PACRG: variants seen among roughly 807,000 people sequenced by gnomAD.
The protein encoded by PACRG is parkin coregulated, also known as parkin coregulated gene protein.
A neutral mutation model predicts 29.7 loss-of-function variants in PACRG; 29 were observed. That is an observed-to-expected ratio of 0.98 (90% CI 0.73 to 1.33). The LOEUF (loss-of-function observed/expected upper bound fraction) is 1.33. PACRG is among the 40% of genes most tolerant of loss of function. PACRG has a pLI of 0.00. For synonymous variants in PACRG, 116 were observed against 118.7 expected, an observed-to-expected ratio of 0.98 and a Z score of 0.15; for missense variants, 279 against 316.2, an observed-to-expected ratio of 0.88 and a Z score of 0.89.
intron 4 of PACRG, among the ~76,000 whole-genome samples, chr6:163,207,676 G>A (rs1585332846): frequency 6.6e-6 from 1 of 152,136 alleles, no homozygotes; most frequent in Non-Finnish European, 1.5e-5. Context: ...TGCCCAGATA[G>A]AATGGAGGCA....
intron 2 of PACRG, among the ~76,000 whole-genome samples, chr6:162,912,544 G>A (rs1455622565): frequency 3.3e-5 from 5 of 149,832 alleles, no homozygotes; most frequent in Non-Finnish European, 7.4e-5. Flanking sequence ...TCATGTAAAT[G>A]TTAAACACAT....
rs528761299 is a variant in PACRG, at chr6:162,998,129, G to A, written c.292-64021G>A. 1.4e-4 allele frequency among the ~76,000 whole-genome samples: 21 copies of A among 152,322 alleles called. No individual in the cohort carries two copies. In the South Asian group the frequency reaches 1.9e-3, roughly 14 times the overall value. On this transcript the variant is annotated intron_variant, in intron 2 of 4. Coordinates refer to ENST00000366888, the MANE Select transcript of PACRG (RefSeq NM_001080379.2). The stretch of plus-strand genomic sequence containing the variant: ...TGGAACTCTGTTCCGCTGGTAGTGC[G>A]TCATAATAGGGGCAGGCTGTCAATG...
At chr6:163,069,349 G>A (rs1811841107) in intron 3 of PACRG, among the ~76,000 whole-genome samples, 1 of 150,586 alleles carries the variant, frequency 6.6e-6, no homozygotes, top group Non-Finnish European at 1.5e-5. Context: ...AGAGATATGT[G>A]ACTTTTCAGA....
Position 162,838,591 on chromosome 6 carries a change from C to T in PACRG, c.291+24310C>T, listed in dbSNP as rs182153570. Among the ~76,000 whole-genome samples the T allele has an allele frequency of 4.0e-5, 6 of 151,888 alleles. No individual in the cohort carries two copies. The East Asian group carries it at 9.7e-4, about 25-fold the overall frequency. On this transcript the variant is annotated intron_variant, in intron 2 of 4. Transcript: ENST00000366888. ...GTTATTAGAACCCCCTTATTAACAT[C>T]ATTTTTTTTTATTATTATACTTTAA...
At chr6:162,909,612 T>TC (rs1191501895) in intron 2 of PACRG, among the ~76,000 whole-genome samples, 2 of 139,954 alleles carry the variant, frequency 1.4e-5, no homozygotes, top group Non-Finnish European at 3.1e-5. Flanking sequence ...AATTTCCTTG[T>TC]CCCCACTTCC....
intron 2 of PACRG, among the ~76,000 whole-genome samples, chr6:162,888,247 T>A (rs6922594): frequency 0.17 from 26,317 of 151,568 alleles, 2,806 homozygotes; most frequent in East Asian, 0.35. Flanking sequence ...CATCACCGAG[T>A]TGAGCACTTC....
At position 162,948,038 on chromosome 6, in the gene PACRG, A is replaced by ATATAAT. The variant is rs1249434107; in HGVS notation, c.292-114106_292-114101dup. Among the ~76,000 whole-genome samples the ATATAAT allele has an allele frequency of 6.6e-5, 10 of 152,124 alleles. No individual in the cohort carries two copies. The East Asian group carries it at 1.9e-3, about 29-fold the overall frequency. On this transcript the variant is annotated intron_variant, in intron 2 of 4. Coordinates refer to ENST00000366888, the MANE Select transcript of PACRG (RefSeq NM_001080379.2). ...CAATGTCATTTTTCACAGAAAGAAA[A>ATATAAT]TATAATTATAAAATGTGTATGGAAC...
intron 4 of PACRG, among the ~76,000 whole-genome samples, chr6:163,314,291 C>T (rs1189469482): frequency 6.6e-6 from 1 of 152,208 alleles, no homozygotes; most frequent in Non-Finnish European, 1.5e-5. Flanking sequence ...TCCTGTCCCA[C>T]CTGCACCTGG....
intron 4 of PACRG, among the ~76,000 whole-genome samples, chr6:163,244,005 T>C (rs1782601257): frequency 6.6e-6 from 1 of 152,258 alleles, no homozygotes; most frequent in Non-Finnish European, 1.5e-5. Flanking sequence ...AAAGCATTCT[T>C]ACATTTGTAG....
intron 4 of PACRG, among the ~76,000 whole-genome samples, chr6:163,259,086 A>C (rs1225076705): frequency 6.6e-6 from 1 of 152,186 alleles, no homozygotes; most frequent in Non-Finnish European, 1.5e-5. Context: ...ACAAATGAGG[A>C]ATCTGATACC....
Position 163,168,485 on chromosome 6 carries a change from C to T in PACRG, c.613+79077C>T, listed in dbSNP as rs561356376. Among the ~76,000 whole-genome samples, 4 of 152,260 alleles carry T rather than the reference C, an allele frequency of 2.6e-5. No individual in the cohort carries two copies. The East Asian group carries it at 7.7e-4, about 29-fold the overall frequency. ...CTCCAGACTGAACAACAGAGCGAGA[C>T]TCCGTCTCAAAAAAGAAAAAGAAAA... On this transcript the variant is annotated intron_variant, in intron 4 of 4. Coordinates refer to ENST00000366888, the MANE Select transcript of PACRG (RefSeq NM_001080379.2).
chr6:163,160,138 C>T (rs1054224609), intron 4 of PACRG, among the ~76,000 whole-genome samples: 2 of 152,228 alleles, frequency 1.3e-5, no homozygotes, highest in African/African-American at 2.4e-5. Context: ...AAGTCCAAGA[C>T]ATGGATTCAT....
chr6:163,251,476 A>G (rs942272923), intron 4 of PACRG, among the ~76,000 whole-genome samples: 12 of 152,166 alleles, frequency 7.9e-5, no homozygotes, highest in Admixed American at 1.3e-4. Flanking sequence ...CCAATATTCA[A>G]TCATAATCTT....
At chr6:163,051,218 T>C (rs1000204693) in intron 2 of PACRG, 1 of 152,236 alleles carries the variant, frequency 6.6e-6, no homozygotes, top group African/African-American at 2.4e-5. Context: ...TATTTTTAAA[T>C]TATTTATCTT....
chr6:162,728,575 A>C (rs1779470644), intron 1 of PACRG, among the ~76,000 whole-genome samples, 184 bp downstream of exon 1: 3 of 152,126 alleles, frequency 2.0e-5, no homozygotes, highest in Admixed American at 2.0e-4. Flanking sequence ...AGGTTGTTAG[A>C]ATCTTGGGCA....
At chr6:162,778,021 C>T (rs533485083) in intron 1 of PACRG, among the ~76,000 whole-genome samples, 3 of 152,228 alleles carry the variant, frequency 2.0e-5, no homozygotes, top group African/African-American at 7.2e-5. Flanking sequence ...CTATTCAGGC[C>T]TCACAGAGCA....
chr6:163,127,812 G>A (rs115979118), intron 4 of PACRG, among the ~76,000 whole-genome samples: 2,825 of 152,252 alleles, frequency 0.019, 90 homozygotes, highest in African/African-American at 0.065. Flanking sequence ...AGCTCAGAGT[G>A]CACAGTTTAG....
chr6:163,004,941 T>C (rs549640752), intron 2 of PACRG, among the ~76,000 whole-genome samples: 1 of 152,112 alleles, frequency 6.6e-6, no homozygotes, highest in South Asian at 2.1e-4. Context: ...AGTCTTCTTA[T>C]TTTAAATTAA....
intron 4 of PACRG, chr6:163,244,975 T>C (rs1333877317): frequency 2.2e-6 from 1 of 447,250 alleles, no homozygotes; most frequent in Non-Finnish European, 4.5e-6. Flanking sequence ...GTCCTCCATG[T>C]TAGCGAAGTG....
Sources: allele counts gnomAD v4.1 joint callset (sites outside exome capture counted in the v4.1 genomes callset), GRCh38; gene constraint gnomAD v4.1.1; transcripts MANE v1.5; gene names NCBI Gene and HGNC (gene_info 2026-07-23, HGNC 2026-07-21).